Variants in GRM7 observed in about 807,000 individuals in gnomAD.
The protein encoded by GRM7 is glutamate metabotropic receptor 7, also known as metabotropic glutamate receptor 7.
GRM7 carries 35 observed loss-of-function variants against 84.5 expected under a neutral mutation model. That is an observed-to-expected ratio of 0.41 (90% CI 0.32 to 0.55). The LOEUF (loss-of-function observed/expected upper bound fraction) is 0.55. GRM7 is among the 20% of genes least tolerant of loss of function. GRM7 has a pLI of 0.19. For synonymous variants in GRM7, 487 were observed against 455.1 expected, an observed-to-expected ratio of 1.07 and a Z score of -0.89; for missense variants, 1,003 against 1,194.6, an observed-to-expected ratio of 0.84 and a Z score of 2.36.
rs2124928633 is a variant in GRM7 at position 6,863,878 on chromosome 3, A to G, written c.519+1971A>G. On this transcript the variant is annotated intron_variant, in intron 1 of 9. Coordinates refer to ENST00000357716, the MANE Select transcript of GRM7 (RefSeq NM_000844.4). This position sits in a 1 kb window ranked among gnomAD's most constrained non-coding sequence, Gnocchi z 4.8. ...CGGATCAGCCTGTCTCTGTCTGAAA[A>G]AAGAGTGAAATGTTAAAGTCAAGAA... Among the ~76,000 whole-genome samples the G allele has an allele frequency of 6.6e-6, 1 of 152,290 alleles. No individual in the cohort carries two copies. The highest frequency in any genetic ancestry group is 1.9e-4 in the East Asian group (1 of 5,180).
chr3:7,702,059 A>G (rs756678764), intron 9 of GRM7, among the ~76,000 whole-genome samples: 3 of 152,198 alleles, frequency 2.0e-5, no homozygotes, highest in African/African-American at 7.2e-5. Context: ...AAAGAAAAAA[A>G]TTCTTCTTCC....
At chr3:7,265,292 C>T (rs1158411238) in intron 2 of GRM7, among the ~76,000 whole-genome samples, 3 of 152,184 alleles carry the variant, frequency 2.0e-5, no homozygotes, top group African/African-American at 7.2e-5. Context: ...TGAAGAATGT[C>T]TTTATGTAAT....
intron 7 of GRM7, among the ~76,000 whole-genome samples, chr3:7,468,082 C>A (rs1193281376): frequency 5.9e-5 from 9 of 152,140 alleles, no homozygotes; most frequent in Non-Finnish European, 1.3e-4. Context: ...TGGACTTATA[C>A]CTGCCTATAA....
At chr3:7,479,452 T>G (rs1362205520) in intron 7 of GRM7, among the ~76,000 whole-genome samples, 1 of 152,082 alleles carries the variant, frequency 6.6e-6, no homozygotes, top group Non-Finnish European at 1.5e-5. Flanking sequence ...TATGTTGACC[T>G]GTATAGAAAA....
At chr3:7,237,414 C>T (rs1456285212) in intron 2 of GRM7, among the ~76,000 whole-genome samples, 2 of 152,112 alleles carry the variant, frequency 1.3e-5, no homozygotes, top group Non-Finnish European at 2.9e-5. Context: ...CATGTCTTCC[C>T]TTTAAAATCT....
At chr3:7,212,734 C>T (rs1432897396) in intron 2 of GRM7, among the ~76,000 whole-genome samples, 1 of 152,102 alleles carries the variant, frequency 6.6e-6, no homozygotes, top group Non-Finnish European at 1.5e-5. Context: ...CATCCACTAC[C>T]CAATCACCAA....
chr3:7,388,870 A>G (rs984683952), intron 4 of GRM7, among the ~76,000 whole-genome samples: 1 of 152,030 alleles, frequency 6.6e-6, no homozygotes, highest in African/African-American at 2.4e-5. Flanking sequence ...GTATGGTCAC[A>G]ATTCCATTTA....
At chr3:7,062,221 AG>A (rs972194833) in intron 1 of GRM7, among the ~76,000 whole-genome samples, 1 of 151,778 alleles carries the variant, frequency 6.6e-6, no homozygotes, top group Non-Finnish European at 1.5e-5. Flanking sequence ...AGGAGATGAA[AG>A]GAGAGACGAA....
chr3:7,496,917 T>G (rs2124958667), intron 7 of GRM7, among the ~76,000 whole-genome samples: 1 of 152,158 alleles, frequency 6.6e-6, no homozygotes, highest in South Asian at 2.1e-4. Flanking sequence ...TCTGTATTAT[T>G]TTTGCAACTT....
intron 7 of GRM7, among the ~76,000 whole-genome samples, chr3:7,503,127 A>C (rs944189334): frequency 1.3e-5 from 2 of 152,188 alleles, no homozygotes; most frequent in Non-Finnish European, 2.9e-5. Context: ...ACCATATAGG[A>C]TGATGTGATT....
chr3:7,128,981 G>A (rs1168602964), intron 1 of GRM7, among the ~76,000 whole-genome samples: 2 of 152,188 alleles, frequency 1.3e-5, no homozygotes, highest in African/African-American at 4.8e-5. Flanking sequence ...ACTTGCTCAT[G>A]TTAAAATTCA....
chr3:7,180,685 G>A (rs1162938204), intron 2 of GRM7, among the ~76,000 whole-genome samples: 3 of 152,108 alleles, frequency 2.0e-5, no homozygotes, highest in African/African-American at 7.2e-5. Flanking sequence ...GCAGGTAATT[G>A]ACAAACTTAC....
chr3:7,233,208 A>T (rs536216012), intron 2 of GRM7, among the ~76,000 whole-genome samples: 2 of 152,290 alleles, frequency 1.3e-5, no homozygotes, highest in South Asian at 4.1e-4. Context: ...GAAGTTACAG[A>T]ATTACATTTT....
At chr3:7,356,404 C>G (rs966239238) in intron 4 of GRM7, among the ~76,000 whole-genome samples, 1 of 151,536 alleles carries the variant, frequency 6.6e-6, no homozygotes, top group Non-Finnish European at 1.5e-5. Context: ...CAAATTCAAG[C>G]GATTCTCCTG....
chr3:7,415,067 A>C lies in GRM7; in HGVS notation c.1078A>C (p.Arg360=), dbSNP rs2125180226. The C allele has an allele frequency of 6.2e-7, 1 of 1,612,930 alleles. No homozygotes were observed. Among genetic ancestry groups the C allele is most frequent in the South Asian group, 1.1e-5 (1 of 91,052 alleles). Reference sequence around the variant, plus strand: ...GTCCCGTACACTTGAAAACAACAGAAGAAATGTATGGTTTGCCGAATACTG... The same window carrying C: ...GTCCCGTACACTTGAAAACAACAGACGAAATGTATGGTTTGCCGAATACTG... The part of the protein sequence containing the change: ...FTSRTLENNR[R]NVWFAEYWEE... The change falls in exon 5 of 10, where the codon AGA becomes CGA. Residue 360 remains arginine (R), a synonymous_variant. Transcript: ENST00000357716.
chr3:7,443,420 TA>T (rs1482513750), intron 5 of GRM7, among the ~76,000 whole-genome samples: 1 of 152,140 alleles, frequency 6.6e-6, no homozygotes, highest in African/African-American at 2.4e-5. Context: ...AATGTCTTTA[TA>T]AAATTTTTTT....
chr3:7,388,039 G>A (rs555027881), intron 4 of GRM7, among the ~76,000 whole-genome samples: 1 of 151,856 alleles, frequency 6.6e-6, no homozygotes, highest in African/African-American at 2.4e-5. Flanking sequence ...GTATCTTATT[G>A]TTTTCGTGGC....
chr3:7,016,100 G>C (rs189778097), intron 1 of GRM7, among the ~76,000 whole-genome samples: 3 of 113,336 alleles, frequency 2.6e-5, no homozygotes, highest in Admixed American at 2.0e-4. Flanking sequence ...AGAGGAATAC[G>C]CAGTTTATTA....
Position 7,391,993 on chromosome 3 carries a change from A to G in GRM7, c.1034-23030A>G, listed in dbSNP as rs147993896. On this transcript the variant is annotated intron_variant, in intron 4 of 9. Coordinates refer to ENST00000357716, the MANE Select transcript of GRM7 (RefSeq NM_000844.4). ...GTTGGCAAGAGATAACCCCCTCTCT[A>G]CATCTATTCTTGAGTTTTGGTGGTG... Among the ~76,000 whole-genome samples, 129 of 152,228 alleles carry G rather than the reference A, an allele frequency of 8.5e-4. 1 individual carries two copies. The highest frequency in any genetic ancestry group is 3.0e-3 in the African/African-American group (125 of 41,542).
Sources: gnomAD v4.1 joint callset for allele counts (sites outside exome capture counted in the v4.1 genomes callset) on GRCh38, gnomAD v4.1.1 for gene constraint, Gnocchi (gnomAD v3.1) non-coding constraint, MANE v1.5 for transcripts, NCBI Gene and HGNC (gene_info 2026-07-23, HGNC 2026-07-21) for gene names.